GRIK4: variants seen among roughly 807,000 people sequenced by gnomAD.
GRIK4 encodes glutamate receptor ionotropic, kainate 4.
Under a neutral mutation model 104.9 loss-of-function variants are expected in GRIK4, and 40 were observed. That is an observed-to-expected ratio of 0.38 (90% CI 0.30 to 0.50). GRIK4 has a LOEUF of 0.50. GRIK4 is among the 20% of genes least tolerant of loss of function. GRIK4 has a pLI of 0.93. For missense variants in GRIK4, 1,047 were observed against 1,308.1 expected (o/e 0.80, Z 3.08); for synonymous variants, 485 against 524.9 (o/e 0.92, Z 1.04).
chr11:120,698,587 T>C (rs1378497523), intron 3 of GRIK4, among the ~76,000 whole-genome samples: 1 of 152,264 alleles, frequency 6.6e-6, no homozygotes, highest in Non-Finnish European at 1.5e-5. Flanking sequence ...AATACCCTTA[T>C]GCCTCACCTT....
intron 1 of GRIK4, among the ~76,000 whole-genome samples, chr11:120,571,413 G>A (rs993912687): frequency 8.5e-5 from 13 of 152,134 alleles, no homozygotes; most frequent in African/African-American, 2.4e-5. Flanking sequence ...CCCGTTTTCT[G>A]TAGCTTACAT....
intron 3 of GRIK4, among the ~76,000 whole-genome samples, chr11:120,757,834 C>A (rs939551622): frequency 6.6e-6 from 1 of 152,152 alleles, no homozygotes; most frequent in Non-Finnish European, 1.5e-5. Context: ...GTTCCCACCC[C>A]GCACAGGGTG....
At chr11:120,820,411 A>G (rs565749861) in intron 6 of GRIK4, among the ~76,000 whole-genome samples, 59 of 152,328 alleles carry the variant, frequency 3.9e-4, no homozygotes, top group African/African-American at 1.3e-3. Context: ...TGATGGAACA[A>G]GGTCCGAGGT....
chr11:120,520,386 G>A (rs1947782468), intron 1 of GRIK4, among the ~76,000 whole-genome samples: 1 of 152,226 alleles, frequency 6.6e-6, no homozygotes, highest in South Asian at 2.1e-4. Context: ...ATCCCTGAGT[G>A]AGAGGGTCAC....
At chr11:120,750,638 G>T (rs1951533796) in intron 3 of GRIK4, among the ~76,000 whole-genome samples, 1 of 152,074 alleles carries the variant, frequency 6.6e-6, no homozygotes, top group Non-Finnish European at 1.5e-5. Flanking sequence ...CGAAGTGATG[G>T]GATTACAGGC....
chr11:120,725,745 TA>T (rs1555049821), intron 3 of GRIK4, among the ~76,000 whole-genome samples: 90 of 143,368 alleles, frequency 6.3e-4, no homozygotes, highest in Middle Eastern at 3.6e-3. Context: ...TCTATGTTTA[TA>T]AAAAAAAAAA....
chr11:120,621,466 C>T (rs1424751571), intron 1 of GRIK4, among the ~76,000 whole-genome samples: 1 of 152,164 alleles, frequency 6.6e-6, no homozygotes, highest in African/African-American at 2.4e-5. Flanking sequence ...CAACTTGCAG[C>T]TAAGGGATTT....
chr11:120,973,217 G>A (rs1340159469), intron 19 of GRIK4, among the ~76,000 whole-genome samples: 4 of 152,164 alleles, frequency 2.6e-5, no homozygotes, highest in Admixed American at 2.0e-4. Context: ...AAACAGTTCC[G>A]CATCCACAGA....
chr11:120,870,343 G>A (rs1193127015), intron 9 of GRIK4: 1 of 152,198 alleles, frequency 6.6e-6, no homozygotes, highest in Non-Finnish European at 1.5e-5. Context: ...GTTAACTGAG[G>A]GGCTAACGTG....
chr11:120,820,095 G>A (rs1427560092), intron 6 of GRIK4, among the ~76,000 whole-genome samples, 175 bp downstream of exon 6: 1 of 151,446 alleles, frequency 6.6e-6, no homozygotes, highest in Non-Finnish European at 1.5e-5. Context: ...GTGTGTGTGT[G>A]TGTGTGTGTG....
Position 120,987,785 on chromosome 11 carries a change from G to C in GRIK4, c.*1525G>C, listed in dbSNP as rs1308118668. 2.0e-5 allele frequency: 3 copies of C among 152,254 alleles called. No homozygotes were observed. Among genetic ancestry groups the C allele is most frequent in the African/African-American group, 7.2e-5 (3 of 41,452 alleles). The allele number at this position is 152,254 out of a possible 1,614,324, so 9.4% of individuals were successfully genotyped here. The stretch of plus-strand genomic sequence containing the variant: ...GATGGGAGGGGCGAGGCTTTCTACA[G>C]CTGCTTGACCTTTGCTTGGCTTCAC... On this transcript the variant is annotated 3_prime_UTR_variant, in exon 21 of 21. Transcript: ENST00000527524.
chr11:120,898,693 C>G, intron 12 of GRIK4, 54 bp downstream of exon 12: 1 of 945,134 alleles, frequency 1.1e-6, no homozygotes, highest in Non-Finnish European at 1.7e-6. Flanking sequence ...GCCTCCCCGG[C>G]TCTGAGCACT....
At chr11:120,976,894 T>A (rs557332823) in intron 19 of GRIK4, among the ~76,000 whole-genome samples, 3 of 152,112 alleles carry the variant, frequency 2.0e-5, no homozygotes, top group African/African-American at 7.2e-5. Flanking sequence ...CGTGGAGATA[T>A]GTGAGTGTTT....
chr11:120,943,034 C>G (rs1943761159), intron 14 of GRIK4, among the ~76,000 whole-genome samples: 1 of 151,738 alleles, frequency 6.6e-6, no homozygotes, highest in South Asian at 2.1e-4. Flanking sequence ...TTATTAGCCC[C>G]CACAATCCTG....
chr11:120,598,163 C>A (rs962029099), intron 1 of GRIK4, among the ~76,000 whole-genome samples: 1 of 152,128 alleles, frequency 6.6e-6, no homozygotes, highest in East Asian at 1.9e-4. Context: ...CCTTGACCAT[C>A]GAATTTGACT....
intron 3 of GRIK4, among the ~76,000 whole-genome samples, chr11:120,747,606 C>G (rs528331255): frequency 1.3e-5 from 2 of 152,170 alleles, no homozygotes; most frequent in Non-Finnish European, 2.9e-5. Flanking sequence ...CAGAACAATA[C>G]GAGGTGAAGG....
chr11:120,783,077 C>T (rs530234803), intron 3 of GRIK4, among the ~76,000 whole-genome samples: 1 of 152,220 alleles, frequency 6.6e-6, no homozygotes, highest in East Asian at 1.9e-4. Flanking sequence ...GAGACACATT[C>T]AAACCGTCGC....
At chr11:120,880,928 A>G (rs1034989799) in intron 11 of GRIK4, among the ~76,000 whole-genome samples, 2 of 152,214 alleles carry the variant, frequency 1.3e-5, no homozygotes, top group South Asian at 2.1e-4. Context: ...TTCATGAATC[A>G]TGGTTCCCTC....
intron 3 of GRIK4, among the ~76,000 whole-genome samples, chr11:120,750,453 G>A (rs867918178): frequency 7.1e-6 from 1 of 141,158 alleles, no homozygotes; most frequent in Non-Finnish European, 1.5e-5. Context: ...TGCAGCCTCC[G>A]CCTCCCGGAT....
Sources: gnomAD v4.1 joint callset for allele counts (sites outside exome capture counted in the v4.1 genomes callset) on GRCh38, gnomAD v4.1.1 for gene constraint, MANE v1.5 for transcripts, NCBI Gene and HGNC (gene_info 2026-07-23, HGNC 2026-07-21) for gene names.